Variants in FLT4 observed in about 807,000 individuals in gnomAD.
The protein encoded by FLT4 is fms related receptor tyrosine kinase 4, also known as vascular endothelial growth factor receptor 3.
A neutral mutation model predicts 163.2 loss-of-function variants in FLT4; 30 were observed. The observed-to-expected ratio is 0.18, with a 90% CI of 0.14 to 0.25. FLT4 has a LOEUF of 0.25. Ranked by LOEUF, FLT4 falls within the 10% of genes least tolerant of loss-of-function variation. The pLI is 1.00. For synonymous variants in FLT4, 884 were observed against 789.5 expected (o/e 1.12, Z -2.01); for missense variants, 1,510 against 1,863.8 (o/e 0.81, Z 3.50).
chr5:180,619,343 G>C lies in FLT4; in HGVS notation c.2671C>G (p.Arg891Gly). ...LKEGATASEH[R>G]ALMSELKILI... ...ATCTTGAGCTCCGACATCAGCGCGC[G>C]GTGCTCGCTGGCCGTGGCGCCCTCT... Residue 891 changes from arginine to glycine, a missense_variant, in exon 19 of 30, where the codon CGC becomes GGC. By Grantham distance (125) the Arg-to-Gly change is moderately radical. Transcript: ENST00000261937. The C allele has an allele frequency of 1.2e-6, 2 of 1,610,520 alleles. No homozygotes were observed. Among genetic ancestry groups the C allele is most frequent in the Non-Finnish European group, 8.5e-7 (1 of 1,179,170 alleles).
chr5:180,645,295 G>A (rs1354607856), intron 1 of FLT4, among the ~76,000 whole-genome samples: 79 of 152,382 alleles, frequency 5.2e-4, no homozygotes, highest in Non-Finnish European at 8.8e-5. Context: ...GAGACCAGGA[G>A]GAGGGGGCCT....
At chr5:180,648,154 C>T (rs1010947712) in intron 1 of FLT4, among the ~76,000 whole-genome samples, 2 of 152,238 alleles carry the variant, frequency 1.3e-5, no homozygotes, top group Non-Finnish European at 2.9e-5. Context: ...CAAATACATC[C>T]TGAGCACCTG....
chr5:180,625,096 C>A (rs2127825173), intron 10 of FLT4, among the ~76,000 whole-genome samples: 1 of 152,342 alleles, frequency 6.6e-6, no homozygotes, highest in South Asian at 2.1e-4. Context: ...GCCAGTGGGG[C>A]TACCCTCATC....
rs779133665 is a variant in FLT4, at chr5:180,621,131, G to A, written c.2142C>T (p.Asp714=). 6.2e-7 allele frequency: 1 copy of A among 1,612,806 alleles called. No homozygotes were observed. Among genetic ancestry groups the A allele is most frequent in the Non-Finnish European group, 8.5e-7 (1 of 1,179,984 alleles). Residue 714 remains aspartate, a synonymous_variant, in exon 14 of 30, where the codon GAC becomes GAT. Transcript: ENST00000261937. ...CAGACTTTTCCTCCAGCAGCCTCTCGTCTTTGTACCACACGATGCTGGGCG... is the reference window on the plus strand; with the variant it reads ...CAGACTTTTCCTCCAGCAGCCTCTCATCTTTGTACCACACGATGCTGGGCG... The part of the protein sequence containing the change: ...AHAPSIVWYK[D]ERLLEEKSGV...
At chr5:180,641,068 C>G (rs1311017309) in intron 1 of FLT4, among the ~76,000 whole-genome samples, 1 of 152,216 alleles carries the variant, frequency 6.6e-6, no homozygotes, top group Non-Finnish European at 1.5e-5. Context: ...TCTCTCTCAA[C>G]CATCACCCTG....
intron 8 of FLT4, among the ~76,000 whole-genome samples, 159 bp downstream of exon 8, chr5:180,628,723 C>T (rs1042982386): frequency 3.3e-5 from 5 of 152,180 alleles, no homozygotes; most frequent in African/African-American, 9.7e-5. Context: ...ACATTATGGG[C>T]GGGTTCCTTG....
chr5:180,609,212 A>G, intron 28 of FLT4, 159 bp from the exon 29 acceptor site: 1 of 675,296 alleles, frequency 1.5e-6, no homozygotes, highest in South Asian at 1.6e-5. Context: ...ATTCCATCCC[A>G]GGGTGAGGGT....
chr5:180,608,038 G>C (rs971811008), intron 29 of FLT4: 2 of 696,230 alleles, frequency 2.9e-6, no homozygotes, highest in Non-Finnish European at 5.2e-6. Flanking sequence ...CCAGCTTCTT[G>C]TGGGAGGCTG....
intron 28 of FLT4, 59 bp downstream of exon 28, chr5:180,609,846 C>T (rs2127788587): frequency 6.2e-7 from 1 of 1,605,382 alleles, no homozygotes; most frequent in Non-Finnish European, 8.5e-7. Flanking sequence ...ACGCTGCCTC[C>T]CCTGAGGCGG....
At chr5:180,613,141 G>T in intron 24 of FLT4, 31 bp from the exon 25 acceptor site, 1 of 1,528,204 alleles carries the variant, frequency 6.5e-7, no homozygotes, top group Non-Finnish European at 9.0e-7. Flanking sequence ...TGGGTGGGGA[G>T]CAAGCCTCCT....
chr5:180,628,854 G>A (rs775551212), intron 8 of FLT4, 28 bp downstream of exon 8: 16 of 1,476,992 alleles, frequency 1.1e-5, no homozygotes, highest in South Asian at 2.3e-5. Flanking sequence ...GGGTATCGGC[G>A]GGGTCGGTGG....
intron 27 of FLT4, among the ~76,000 whole-genome samples, chr5:180,610,611 C>T (rs537791052): frequency 2.0e-5 from 3 of 152,308 alleles, no homozygotes; most frequent in South Asian, 4.1e-4. Context: ...AATTAGGTTA[C>T]GTTCTCCTCC....
rs937820777 is a variant in FLT4 at position 180,613,739 on chromosome 5, ATGGAGCTCT to A, written c.3331+320_3331+328del. The A allele has an allele frequency of 2.4e-4, 104 of 432,244 alleles. No individual in the cohort carries two copies. In the East Asian group the frequency reaches 2.5e-3, roughly 11 times the overall value. The allele number at this position is 432,244 out of a possible 1,614,324, so 26.8% of individuals were successfully genotyped here. A position where few individuals can be genotyped will look rare whatever the true frequency, so the allele number is the denominator to read the frequency against. ...CTCGCAGCGGGGCCTGAGTTCCCAC[ATGGAGCTCT>A]TGGAGCTCTTGGAGTAGGCACGTCT... On this transcript the variant is annotated intron_variant, in intron 24 of 29. Coordinates refer to ENST00000261937, the MANE Select transcript of FLT4 (RefSeq NM_182925.5).
intron 1 of FLT4, among the ~76,000 whole-genome samples, chr5:180,641,300 C>T (rs1257001045): frequency 6.6e-6 from 1 of 152,250 alleles, no homozygotes; most frequent in Non-Finnish European, 1.5e-5. Flanking sequence ...CCAGGCCCAA[C>T]ACAGCCGGCA....
intron 6 of FLT4, 95 bp from the exon 7 acceptor site, chr5:180,629,522 C>G (rs56226618): frequency 6.5e-7 from 1 of 1,529,800 alleles, no homozygotes; most frequent in South Asian, 1.1e-5. Context: ...GCGGTGGCTC[C>G]GGAAGCCCTG....
At chr5:180,626,074 G>A in intron 9 of FLT4, 37 bp downstream of exon 9, 1 of 1,612,718 alleles carries the variant, frequency 6.2e-7, no homozygotes, top group Non-Finnish European at 8.5e-7. Context: ...TCCAATGCCA[G>A]GCCGCCCACC....
At chr5:180,638,010 T>C (rs1169786665) in intron 1 of FLT4, among the ~76,000 whole-genome samples, 1 of 152,040 alleles carries the variant, frequency 6.6e-6, no homozygotes, top group East Asian at 1.9e-4. Context: ...GCGGGGCTCT[T>C]ATGACCTCCA....
At chr5:180,631,339 G>A (rs1006775858) in intron 2 of FLT4, among the ~76,000 whole-genome samples, 1 of 152,138 alleles carries the variant, frequency 6.6e-6, no homozygotes, top group Non-Finnish European at 1.5e-5. Context: ...CGGGCGTGGT[G>A]GCGGGCACCT....
chr5:180,631,501 G>T (rs1764157633), intron 2 of FLT4, among the ~76,000 whole-genome samples, 181 bp downstream of exon 2: 1 of 152,072 alleles, frequency 6.6e-6, no homozygotes, highest in African/African-American at 2.4e-5. Context: ...GCTGATGGGG[G>T]TGTGTGGTTG....
Sources: gnomAD v4.1 joint callset for allele counts (sites outside exome capture counted in the v4.1 genomes callset) on GRCh38, gnomAD v4.1.1 for gene constraint, MANE v1.5 for transcripts, NCBI Gene and HGNC (gene_info 2026-07-23, HGNC 2026-07-21) for gene names.